Variants in VCPIP1 observed in about 807,000 individuals in gnomAD.
VCPIP1 encodes deubiquitinating protein VCPIP1.
In VCPIP1, 8 loss-of-function variants were observed where a neutral mutation model predicts 85.0. The ratio of observed to expected loss-of-function variants is 0.09; its 90% CI spans 0.06 to 0.17. The LOEUF (loss-of-function observed/expected upper bound fraction) is 0.17. VCPIP1 is among the 10% of genes least tolerant of loss of function. VCPIP1 has a pLI of 1.00. For missense variants in VCPIP1, 1,070 were observed against 1,486.3 expected, an observed-to-expected ratio of 0.72 and a Z score of 4.61; for synonymous variants, 543 against 544.5, an observed-to-expected ratio of 1.00 and a Z score of 0.04.
Position 66,666,856 on chromosome 8 carries a change from C to T in VCPIP1, c.103G>A (p.Gly35Arg), listed in dbSNP as rs1233466855. Reference sequence around the variant, plus strand: ...CTCCGGTCTCTCCGCTTCAAAAGCCCCCCCGAAGCAGCCGCCGACGCCAAG... The same window carrying T: ...CTCCGGTCTCTCCGCTTCAAAAGCCTCCCCGAAGCAGCCGCCGACGCCAAG... ...SSLASAAASG[G>R]LLKRRDRRIL... The change falls in exon 1 of 3, where the codon GGG becomes AGG. Residue 35 changes from glycine to arginine, a missense_variant. By Grantham distance (125) the Gly-to-Arg change is moderately radical. Coordinates refer to ENST00000310421, the MANE Select transcript of VCPIP1 (RefSeq NM_025054.5). The surrounding 1 kb of genome is among the most constrained non-coding windows in gnomAD (Gnocchi z 6.3). The T allele has an allele frequency of 2.5e-6, 4 of 1,613,206 alleles. No individual in the cohort carries two copies. In the South Asian group the frequency reaches 3.3e-5, roughly 13 times the overall value.
At chr8:66,637,751 C>T (rs1190993275) in intron 2 of VCPIP1, among the ~76,000 whole-genome samples, 26 of 152,064 alleles carry the variant, frequency 1.7e-4, no homozygotes, top group South Asian at 1.0e-3. Context: ...GGGCGGATCA[C>T]AAGGTCAGGA....
At chr8:66,655,132 C>T (rs1370782001) in intron 1 of VCPIP1, among the ~76,000 whole-genome samples, 1 of 152,178 alleles carries the variant, frequency 6.6e-6, no homozygotes, top group Non-Finnish European at 1.5e-5. Context: ...CCTTATCACA[C>T]TTCAGGTTAA....
intron 1 of VCPIP1, among the ~76,000 whole-genome samples, chr8:66,659,908 A>C (rs558529906): frequency 1.3e-5 from 2 of 152,128 alleles, no homozygotes; most frequent in East Asian, 3.9e-4. Flanking sequence ...CTGGGCGACA[A>C]TCTGTCTCCA....
At chr8:66,651,860 G>A (rs1811056834) in intron 1 of VCPIP1, among the ~76,000 whole-genome samples, 1 of 152,106 alleles carries the variant, frequency 6.6e-6, no homozygotes. Flanking sequence ...TTTAAAATGT[G>A]GGAACTAATT....
Position 66,667,051 on chromosome 8 carries a change from G to A in VCPIP1, c.-93C>T. ...ACCAACCCGACTCGGTCCAGTCCAG[G>A]CCCAGGGCGAAGCACTTTCCTTTCC... On this transcript the variant is annotated 5_prime_UTR_variant, in exon 1 of 3. Transcript: ENST00000310421. 6 of 1,422,602 alleles carry A rather than the reference G, an allele frequency of 4.2e-6. No individual in the cohort carries two copies. In the South Asian group the frequency reaches 7.9e-5, roughly 19 times the overall value. The allele number at this position is 1,422,602 out of a possible 1,614,324, so 88.1% of individuals were successfully genotyped here.
chr8:66,656,234 A>T (rs117599722), intron 1 of VCPIP1, among the ~76,000 whole-genome samples: 4,221 of 152,260 alleles, frequency 0.028, 76 homozygotes, highest in Middle Eastern at 0.041. Context: ...TCGCTCTGTC[A>T]CCCAGGCTGG....
chr8:66,662,536 C>T (rs1811167528), intron 1 of VCPIP1, among the ~76,000 whole-genome samples: 2 of 152,092 alleles, frequency 1.3e-5, no homozygotes, highest in Admixed American at 1.3e-4. Flanking sequence ...GTGCATACTA[C>T]CTGCTGAGCA....
rs1810815945 is a variant in VCPIP1 at position 66,629,823 on chromosome 8, G to C, written c.*4678C>G. On this transcript the variant is annotated 3_prime_UTR_variant, in exon 3 of 3. Coordinates refer to ENST00000310421, the MANE Select transcript of VCPIP1 (RefSeq NM_025054.5). ...TGATCATGCCACGGCAATCCAGCAT[G>C]GGCAGCAGAGTGAGACCGTTTTGGT... is the stretch of plus-strand genomic sequence containing the variant. The C allele has an allele frequency of 6.6e-6, 1 of 152,206 alleles. No individual in the cohort carries two copies. Among genetic ancestry groups the C allele is most frequent in the Non-Finnish European group, 1.5e-5 (1 of 68,044 alleles). 9.4% of individuals were successfully genotyped at this position (152,206 alleles called of 1,614,324 possible).
intron 2 of VCPIP1, among the ~76,000 whole-genome samples, chr8:66,640,199 T>C (rs1332408434): frequency 6.6e-6 from 1 of 152,230 alleles, no homozygotes; most frequent in Non-Finnish European, 1.5e-5. Context: ...GGATGATCCA[T>C]TTCAAATGGC....
chr8:66,657,301 AAAATTT>A (rs1432005319), intron 1 of VCPIP1, among the ~76,000 whole-genome samples: 1 of 152,216 alleles, frequency 6.6e-6, no homozygotes, highest in Non-Finnish European at 1.5e-5. Context: ...ATTTAAATTT[AAAATTT>A]AAAGAAACAA....
chr8:66,666,644 C>T lies in VCPIP1; in HGVS notation c.315G>A (p.Gly105=). ...LHNLLRNALL[G]VTGAPKKNTE... is the part of the protein sequence containing the mutation. Reference sequence around the variant, plus strand: ...TGTTCTTCTTGGGTGCCCCCGTAACCCCGAGCAGCGCGTTCCGCAGCAGGT... The same window carrying T: ...TGTTCTTCTTGGGTGCCCCCGTAACTCCGAGCAGCGCGTTCCGCAGCAGGT... The change falls in exon 1 of 3, where the codon GGG becomes GGA. Residue 105 remains glycine (G), a synonymous_variant. Transcript: ENST00000310421. The surrounding 1 kb of genome is among the most constrained non-coding windows in gnomAD (Gnocchi z 6.3). The T allele has an allele frequency of 2.5e-6, 4 of 1,614,194 alleles. No homozygotes were observed. Among genetic ancestry groups the T allele is most frequent in the Non-Finnish European group, 3.4e-6 (4 of 1,180,040 alleles).
intron 2 of VCPIP1, among the ~76,000 whole-genome samples, chr8:66,637,472 C>G (rs1316929502): frequency 8.8e-6 from 1 of 113,482 alleles, no homozygotes; most frequent in Non-Finnish European, 1.8e-5. Flanking sequence ...GGCAACAGAG[C>G]AAGACTCCAT....
rs865858468 is a variant in VCPIP1 at position 66,634,320 on chromosome 8, G to A, written c.*181C>T. 1 of 578,180 alleles carries A rather than the reference G, an allele frequency of 1.7e-6. No homozygotes were observed. 35.8% of individuals were successfully genotyped at this position (578,180 alleles called of 1,614,324 possible). On this transcript the variant is annotated 3_prime_UTR_variant, in exon 3 of 3. Transcript: ENST00000310421. Reference sequence around the variant, plus strand: ...TTTATAGAAATTCAGAGCCAGCCTGGGCAGCAGTATATTAAAAGCTATGGC... The same window carrying A: ...TTTATAGAAATTCAGAGCCAGCCTGAGCAGCAGTATATTAAAAGCTATGGC...
At chr8:66,649,482 C>A (rs1464633717) in intron 2 of VCPIP1, among the ~76,000 whole-genome samples, 2 of 152,052 alleles carry the variant, frequency 1.3e-5, no homozygotes, top group African/African-American at 4.8e-5. Context: ...GCACTCCAGC[C>A]CAGGAGATAG....
At chr8:66,662,965 C>T (rs1270476091) in intron 1 of VCPIP1, among the ~76,000 whole-genome samples, 1 of 151,506 alleles carries the variant, frequency 6.6e-6, no homozygotes, top group Admixed American at 6.6e-5. Flanking sequence ...ATTAGCTGGG[C>T]ATGGAGGCGT....
In VCPIP1 at chr8:66,630,827, T is replaced by C. The variant is rs1230725042; in HGVS notation, c.*3674A>G. 1 of 152,582 alleles carries C rather than the reference T, an allele frequency of 6.6e-6. No homozygotes were observed. Among genetic ancestry groups the C allele is most frequent in the Non-Finnish European group, 1.5e-5 (1 of 67,978 alleles). The allele number at this position is 152,582 out of a possible 1,614,324, so 9.5% of individuals were successfully genotyped here. A position where few individuals can be genotyped will look rare whatever the true frequency, so the allele number is the denominator to read the frequency against. On this transcript the variant is annotated 3_prime_UTR_variant, in exon 3 of 3. Coordinates refer to ENST00000310421, the MANE Select transcript of VCPIP1 (RefSeq NM_025054.5). ...AAAGAATTATCAAGAATGGTAGAAC[T>C]TGTAATTAACTCTATAACTTACATG...
chr8:66,637,947 G>C (rs1019902805), intron 2 of VCPIP1, among the ~76,000 whole-genome samples: 5 of 152,196 alleles, frequency 3.3e-5, no homozygotes, highest in Non-Finnish European at 7.3e-5. Flanking sequence ...ACTCCAGCCA[G>C]GGCGACAGAG....
In VCPIP1 at chr8:66,666,987, G is replaced by C. The variant is rs1811224085; in HGVS notation, c.-29C>G. On this transcript the variant is annotated 5_prime_UTR_variant, in exon 1 of 3. Transcript: ENST00000310421. The surrounding 1 kb of genome is among the most constrained non-coding windows in gnomAD (Gnocchi z 6.3). ...TCCTGGCTCTCGTGTCTCGCTCCGC[G>C]TCCCAGGCGACCCTCAAAAGCTCAT... The C allele has an allele frequency of 2.7e-6, 4 of 1,494,370 alleles. No homozygotes were observed. Among genetic ancestry groups the C allele is most frequent in the East Asian group, 4.7e-5 (2 of 42,286 alleles). The allele number at this position is 1,494,370 out of a possible 1,614,324, so 92.6% of individuals were successfully genotyped here. A position where few individuals can be genotyped will look rare whatever the true frequency, so the allele number is the denominator to read the frequency against.
At chr8:66,636,488 T>C (rs1177497791) in intron 2 of VCPIP1, among the ~76,000 whole-genome samples, 1 of 152,092 alleles carries the variant, frequency 6.6e-6, no homozygotes, top group Non-Finnish European at 1.5e-5. Flanking sequence ...CTCACACCTG[T>C]AATCCCAGCA....
Sources: allele counts gnomAD v4.1 joint callset (sites outside exome capture counted in the v4.1 genomes callset), GRCh38; gene constraint gnomAD v4.1.1; non-coding constraint Gnocchi (gnomAD v3.1); transcripts MANE v1.5; gene names NCBI Gene and HGNC (gene_info 2026-07-23, HGNC 2026-07-21).